Variants in NMD3 observed in about 807,000 individuals in gnomAD.
The protein encoded by NMD3 is 60S ribosomal export protein NMD3.
Under a neutral mutation model 73.1 loss-of-function variants are expected in NMD3, and 47 were observed. The observed-to-expected ratio is 0.64, with a 90% CI of 0.51 to 0.82. NMD3 has a LOEUF of 0.82. NMD3 is among the 40% of genes least tolerant of loss of function. The pLI is 0.00. For missense variants in NMD3, 554 were observed against 612.5 expected (o/e 0.90, Z 1.01); for synonymous variants, 210 against 194.5 (o/e 1.08, Z -0.66).
chr3:161,241,193 A>G, intron 10 of NMD3, 30 bp downstream of exon 10: 2 of 1,319,902 alleles, frequency 1.5e-6, no homozygotes, highest in Non-Finnish European at 2.2e-6. Flanking sequence ...TGCCTTGACA[A>G]TTTTGTTTTG....
chr3:161,245,452 C>T (rs1017823360), intron 11 of NMD3, among the ~76,000 whole-genome samples: 2 of 151,788 alleles, frequency 1.3e-5, no homozygotes, highest in Non-Finnish European at 2.9e-5. Context: ...AATGTAGTCT[C>T]CCTGTTAATT....
At chr3:161,253,067 A>G (rs1372601949), downstream of NMD3, 8 of 232,898 alleles carry the variant, frequency 3.4e-5, no homozygotes, top group Non-Finnish European at 6.6e-5. Flanking sequence ...ACTGTACTCC[A>G]GCCTGGGCGA....
chr3:161,239,924 G>A (rs1029244728), intron 9 of NMD3, among the ~76,000 whole-genome samples: 1 of 152,158 alleles, frequency 6.6e-6, no homozygotes, highest in Admixed American at 6.5e-5. Context: ...AACAGATGGT[G>A]GGTCAGATTT....
chr3:161,238,573 T>C (rs1413909781), intron 8 of NMD3, among the ~76,000 whole-genome samples, 157 bp from the exon 9 acceptor site: 2 of 152,214 alleles, frequency 1.3e-5, no homozygotes, highest in Non-Finnish European at 2.9e-5. Context: ...GGTTTTGACA[T>C]GCAAGTGCAG....
chr3:161,249,606 T>G, intron 14 of NMD3, 46 bp downstream of exon 14: 1 of 1,146,498 alleles, frequency 8.7e-7, no homozygotes, highest in Non-Finnish European at 1.3e-6. Flanking sequence ...AAGGAAATAT[T>G]TATGATAAAT....
chr3:161,235,141 T>C lies in NMD3; in HGVS notation c.506T>C (p.Phe169Ser), dbSNP rs756400426. 2.0e-5 allele frequency: 30 copies of C among 1,530,314 alleles called. No homozygotes were observed. Among genetic ancestry groups the C allele is most frequent in the East Asian group, 9.0e-5 (4 of 44,234 alleles). The allele number at this position is 1,530,314 out of a possible 1,614,324, so 94.8% of individuals were successfully genotyped here. Reference protein sequence around the residue: ...VRQKTLHKKTFYYLEQLILKY... With the variant: ...VRQKTLHKKTSYYLEQLILKY... ...TTTTAGACTTTGCATAAAAAAACTTTCTACTATCTGGAACAGTTAATTCTG... is the reference window on the plus strand; with the variant it reads ...TTTTAGACTTTGCATAAAAAAACTTCCTACTATCTGGAACAGTTAATTCTG... The change falls in exon 7 of 16, where the codon TTC (phenylalanine) becomes TCC (serine). Residue 169 changes from phenylalanine (F) to serine (S), a missense_variant. Transcript: ENST00000351193.
At chr3:161,228,141 A>AT (rs908012600) in intron 4 of NMD3, among the ~76,000 whole-genome samples, 5 of 152,122 alleles carry the variant, frequency 3.3e-5, no homozygotes, top group Non-Finnish European at 7.4e-5. Context: ...AGTTTTCTTT[A>AT]TTTTAAGCTT....
chr3:161,227,437 A>ATTTTTTTTTTTTTTTTTTTT (rs55825529), intron 4 of NMD3, 94 bp downstream of exon 4: 2 of 324,472 alleles, frequency 6.2e-6, no homozygotes, highest in Admixed American at 6.1e-5. Context: ...TTCAAAAGGA[A>ATTTTTTTTTTTTTTTTTTTT]TTTTTTTTTT....
rs754699727 is a variant in NMD3 at position 161,234,874 on chromosome 3, G to GAAAAATCAGTATGCTCTATCTGTAGAT, written c.486+20_486+21insAAAATCAGTATGCTCTATCTGTAGATA. 1 of 1,611,032 alleles carries GAAAAATCAGTATGCTCTATCTGTAGAT rather than the reference G, an allele frequency of 6.2e-7. No homozygotes were observed. The highest frequency in any genetic ancestry group is 8.5e-7 in the Non-Finnish European group (1 of 1,177,740). ...GCAAAAGGTAATGAGAGAAGATGAT[G>GAAAAATCAGTATGCTCTATCTGTAGAT]AGTGAGTCCTACATCTTATATTTCG... is the stretch of plus-strand genomic sequence containing the variant. On this transcript the variant is annotated intron_variant, in intron 6 of 15. Coordinates refer to ENST00000351193, the MANE Select transcript of NMD3 (RefSeq NM_015938.5).
At chr3:161,243,588 C>G (rs1363497304) in intron 11 of NMD3, among the ~76,000 whole-genome samples, 1 of 152,092 alleles carries the variant, frequency 6.6e-6, no homozygotes, top group African/African-American at 2.4e-5. Flanking sequence ...TACCAACTTC[C>G]TTAGACAACT....
intron 11 of NMD3, 69 bp downstream of exon 11, chr3:161,242,722 TAA>T: frequency 6.8e-7 from 1 of 1,477,648 alleles, no homozygotes; most frequent in Non-Finnish European, 9.1e-7. Flanking sequence ...GTCCCTCTTT[TAA>T]AAAAAATTTG....
At chr3:161,224,806 T>G (rs767617722) in intron 2 of NMD3, 124 bp from the exon 3 acceptor site, 3 of 978,510 alleles carry the variant, frequency 3.1e-6, no homozygotes, top group Non-Finnish European at 4.4e-6. Flanking sequence ...GTTTCTGTTA[T>G]TTTTTTGAAA....
Position 161,250,265 on chromosome 3 carries a change from A to G in NMD3, c.1320A>G (p.Gln440=), listed in dbSNP as rs186008125. The G allele has an allele frequency of 3.9e-5, 62 of 1,570,624 alleles. No homozygotes were observed. The highest frequency in any genetic ancestry group is 1.8e-6 in the Non-Finnish European group (2 of 1,142,160). Reference sequence around the variant, plus strand: ...AAATGTTTATTTAAAGGCAATACCAAGATTTTCTTGAAGATCTTGAAGAAG... The same window carrying G: ...AAATGTTTATTTAAAGGCAATACCAGGATTTTCTTGAAGATCTTGAAGAAG... The part of the protein sequence containing the change: ...NMDTDDERQY[Q]DFLEDLEEDE... Residue 440 remains glutamine, a synonymous_variant, in exon 15 of 16, where the codon CAA becomes CAG. Transcript: ENST00000351193.
At chr3:161,234,953 C>T (rs1008251679) in intron 6 of NMD3, 98 bp downstream of exon 6, 4 of 1,241,262 alleles carry the variant, frequency 3.2e-6, no homozygotes, top group Non-Finnish European at 4.6e-6. Flanking sequence ...AGTCTGGGTC[C>T]CTGAAGCATT....
intron 1 of NMD3, 121 bp from the exon 2 acceptor site, chr3:161,221,873 C>T: frequency 1.6e-6 from 1 of 608,600 alleles, no homozygotes; most frequent in Non-Finnish European, 2.7e-6. Flanking sequence ...TTTCGAAGTT[C>T]TGTGAATATA....
At chr3:161,221,837 G>C (rs1736095275) in intron 1 of NMD3, 157 bp from the exon 2 acceptor site, 2 of 511,962 alleles carry the variant, frequency 3.9e-6, no homozygotes, top group Non-Finnish European at 6.9e-6. Context: ...TTACCCAGTG[G>C]AGTTGGGTTT....
Position 161,233,456 on chromosome 3 carries a change from G to A in NMD3, c.334G>A (p.Val112Ile). 1 of 1,606,656 alleles carries A rather than the reference G, an allele frequency of 6.2e-7. No individual in the cohort carries two copies. Reference sequence around the variant, plus strand: ...TGAGCCTCATTCTAAGAGACTTAAAGTTAAACTGACTATTCAGAAAGAGGT... The same window carrying A: ...TGAGCCTCATTCTAAGAGACTTAAAATTAAACTGACTATTCAGAAAGAGGT... ...WTEPHSKRLK[V>I]KLTIQKEVMN... Residue 112 changes from valine to isoleucine, a missense_variant, in exon 5 of 16, where the codon GTT becomes ATT. By Grantham distance (29) the Val-to-Ile change is conservative. Transcript: ENST00000351193.
chr3:161,238,967 T>G (rs969862632), intron 9 of NMD3, 141 bp downstream of exon 9: 2 of 485,514 alleles, frequency 4.1e-6, no homozygotes, highest in Admixed American at 3.9e-5. Context: ...TCTAACACAT[T>G]CAGCCATGTT....
At chr3:161,247,906 C>G (rs1737314158) in intron 13 of NMD3, among the ~76,000 whole-genome samples, 1 of 151,398 alleles carries the variant, frequency 6.6e-6, no homozygotes, top group African/African-American at 2.4e-5. Flanking sequence ...CCTCAGCCTC[C>G]TGAGTAGCTG....
Sources: allele counts gnomAD v4.1 joint callset (sites outside exome capture counted in the v4.1 genomes callset), GRCh38; gene constraint gnomAD v4.1.1; transcripts MANE v1.5; gene names NCBI Gene and HGNC (gene_info 2026-07-23, HGNC 2026-07-21).